MRTFB: variants seen among roughly 807,000 people sequenced by gnomAD.
MRTFB encodes myocardin-related transcription factor B.
MRTFB carries 29 observed loss-of-function variants against 104.2 expected under a neutral mutation model. The observed-to-expected ratio is 0.28, with a 90% CI of 0.21 to 0.38. The LOEUF is 0.38. MRTFB is among the 10% of genes least tolerant of loss of function. The pLI, the probability that MRTFB is intolerant of heterozygous loss-of-function variation, is 1.00. For synonymous variants in MRTFB, 535 were observed against 519.5 expected, an observed-to-expected ratio of 1.03 and a Z score of -0.41; for missense variants, 1,270 against 1,341.6, an observed-to-expected ratio of 0.95 and a Z score of 0.83.
At position 14,265,359 on chromosome 16, in the gene MRTFB, A is replaced by G. The variant is rs2043911504; in HGVS notation, c.*3915A>G. The G allele has an allele frequency of 6.6e-6, 1 of 152,208 alleles. No individual in the cohort carries two copies. Among genetic ancestry groups the G allele is most frequent in the Admixed American group, 6.5e-5 (1 of 15,284 alleles). The allele number at this position is 152,208 out of a possible 1,614,324, so 9.4% of individuals were successfully genotyped here. ...CCCTAGAGGCCACAGAATTAGCCCAAAATTATCAAAGAACATTAACTGGAA... is the reference window on the plus strand; with the variant it reads ...CCCTAGAGGCCACAGAATTAGCCCAGAATTATCAAAGAACATTAACTGGAA... On this transcript the variant is annotated 3_prime_UTR_variant, in exon 17 of 17. Coordinates refer to ENST00000571589, the MANE Select transcript of MRTFB (RefSeq NM_001308142.2).
chr16:14,114,249 G>A (rs2036421944), intron 2 of MRTFB, among the ~76,000 whole-genome samples: 1 of 152,168 alleles, frequency 6.6e-6, no homozygotes, highest in Non-Finnish European at 1.5e-5. Flanking sequence ...TTACAAAGTT[G>A]GCAGCATATT....
At chr16:14,032,450 A>G in the MRTFB span, among the ~76,000 whole-genome samples, 10 of 152,240 alleles carry the variant, frequency 6.6e-5, no homozygotes, top group Non-Finnish European at 1.0e-4. Context: ...CTTGCATTGA[A>G]GCATTGGAAT....
intron 10 of MRTFB, chr16:14,241,132 G>T: frequency 4.0e-6 from 1 of 247,256 alleles, no homozygotes; most frequent in South Asian, 1.1e-4. Flanking sequence ...ATAGACAACG[G>T]AGTGCTTCAG....
chr16:14,259,077 T>C (rs1597396838), intron 16 of MRTFB, among the ~76,000 whole-genome samples: 1 of 123,942 alleles, frequency 8.1e-6, no homozygotes, highest in South Asian at 2.5e-4. Context: ...AGAATTGATA[T>C]TTGACTACAG....
chr16:14,186,920 C>T (rs2039974021), intron 3 of MRTFB: 2 of 1,598,100 alleles, frequency 1.3e-6, no homozygotes, highest in East Asian at 2.2e-5. Context: ...TCACCATGAT[C>T]GATAGCTCCA....
chr16:14,218,173 C>G (rs4781582), intron 7 of MRTFB, among the ~76,000 whole-genome samples: 3,697 of 152,240 alleles, frequency 0.024, 64 homozygotes, highest in Middle Eastern at 0.085. Flanking sequence ...CATTCTCCTG[C>G]CTCAGCCTCC....
intron 2 of MRTFB, among the ~76,000 whole-genome samples, chr16:14,118,740 C>CAT (rs776636004): frequency 6.6e-5 from 10 of 151,394 alleles, no homozygotes; most frequent in Non-Finnish European, 1.0e-4. Context: ...TATATACACA[C>CAT]ATATATATAC....
rs551430428 is a variant in MRTFB at position 14,243,942 on chromosome 16, C to T, written c.1080-1586C>T. Among the ~76,000 whole-genome samples, 239 of 148,926 alleles carry T rather than the reference C, an allele frequency of 1.6e-3. 1 individual carries two copies. The highest frequency in any genetic ancestry group is 2.6e-3 in the Non-Finnish European group (175 of 67,832). The stretch of plus-strand genomic sequence containing the variant: ...TGGTGCAATCTCGGCTCACTGCAAG[C>T]TCTGCCTCTCGGGTTCACACCACCT... On this transcript the variant is annotated intron_variant, in intron 10 of 16. Coordinates refer to ENST00000571589, the MANE Select transcript of MRTFB (RefSeq NM_001308142.2).
chr16:14,050,851 C>T, the MRTFB span, among the ~76,000 whole-genome samples: 2 of 152,164 alleles, frequency 1.3e-5, no homozygotes, highest in African/African-American at 4.8e-5. Context: ...TGTCTTGACT[C>T]GCCACCTCCA....
At chr16:14,068,804 GTGT>G (rs1233661086), upstream of MRTFB, among the ~76,000 whole-genome samples, 1 of 152,072 alleles carries the variant, frequency 6.6e-6, no homozygotes, top group Non-Finnish European at 1.5e-5. Flanking sequence ...GAAGAGATTG[GTGT>G]TTGAATCAGT....
chr16:14,001,180 A>G, the MRTFB span, among the ~76,000 whole-genome samples: 1 of 152,236 alleles, frequency 6.6e-6, no homozygotes, highest in Admixed American at 6.5e-5. Flanking sequence ...AGCAACCGAA[A>G]CACTGATCCT....
In MRTFB at chr16:14,266,306, A is replaced by C. The variant is rs578050571; in HGVS notation, c.*4862A>C. 6.6e-6 allele frequency: 1 copy of C among 152,052 alleles called. No individual in the cohort carries two copies. Among genetic ancestry groups the C allele is most frequent in the Non-Finnish European group, 1.5e-5 (1 of 68,000 alleles). The allele number at this position is 152,052 out of a possible 1,614,324, so 9.4% of individuals were successfully genotyped here. ...AGTAGTAATACAAAGTTTTTTTTCT[A>C]TGTAGAAATTAGTTTTCTTTTCTTG... On this transcript the variant is annotated 3_prime_UTR_variant, in exon 17 of 17. Transcript: ENST00000571589.
At chr16:14,249,109 T>C in intron 13 of MRTFB, 28 bp downstream of exon 13, 1 of 1,606,552 alleles carries the variant, frequency 6.2e-7, no homozygotes. Flanking sequence ...AGCAATAGAA[T>C]GTCGCTGATT....
chr16:14,088,412 T>C (rs2034854111), intron 2 of MRTFB, among the ~76,000 whole-genome samples: 1 of 152,204 alleles, frequency 6.6e-6, no homozygotes, highest in African/African-American at 2.4e-5. Context: ...GTGACTTGAA[T>C]ACGGATCTCT....
chr16:13,997,792 C>CAAAAAAAAAAAAAAAA, the MRTFB span, among the ~76,000 whole-genome samples: 1 of 90,766 alleles, frequency 1.1e-5, no homozygotes, highest in Admixed American at 1.4e-4. Flanking sequence ...GACCCTATCT[C>CAAAAAAAAAAAAAAAA]AAAAAAAAAA....
At chr16:14,011,760 TAC>T in the MRTFB span, among the ~76,000 whole-genome samples, 2 of 152,014 alleles carry the variant, frequency 1.3e-5, no homozygotes, top group African/African-American at 4.8e-5. Flanking sequence ...TAATCCCAAC[TAC>T]TGGGGAGGCT....
chr16:14,001,329 C>G, the MRTFB span, among the ~76,000 whole-genome samples: 1 of 152,188 alleles, frequency 6.6e-6, no homozygotes, highest in Non-Finnish European at 1.5e-5. Flanking sequence ...GCTCCATTAT[C>G]TGCTGTGAGC....
intron 3 of MRTFB, among the ~76,000 whole-genome samples, chr16:14,199,554 C>G (rs555281447): frequency 6.6e-6 from 1 of 152,288 alleles, no homozygotes; most frequent in Non-Finnish European, 1.5e-5. Flanking sequence ...AATGGTCTAC[C>G]CAGGTGCTTA....
the MRTFB span, among the ~76,000 whole-genome samples, chr16:14,012,594 G>T: frequency 3.3e-5 from 5 of 152,022 alleles, no homozygotes; most frequent in Non-Finnish European, 7.4e-5. Context: ...CACCGCGCCC[G>T]GCTGACCTTG....
Sources: allele counts gnomAD v4.1 joint callset (sites outside exome capture counted in the v4.1 genomes callset), GRCh38; gene constraint gnomAD v4.1.1; transcripts MANE v1.5; gene names NCBI Gene and HGNC (gene_info 2026-07-23, HGNC 2026-07-21).